KIF5A: variants seen among roughly 807,000 people sequenced by gnomAD.
KIF5A encodes the protein kinesin heavy chain isoform 5A.
KIF5A carries 35 observed loss-of-function variants against 141.3 expected under a neutral mutation model. That is an observed-to-expected ratio of 0.25 (90% CI 0.19 to 0.33). The LOEUF is 0.33. Ranked by LOEUF, KIF5A falls within the 10% of genes least tolerant of loss-of-function variation. The pLI is 1.00. For synonymous variants in KIF5A, 448 were observed against 500.2 expected (o/e 0.90, Z 1.39); for missense variants, 861 against 1,314.3 (o/e 0.66, Z 5.33).
intron 1 of KIF5A, among the ~76,000 whole-genome samples, chr12:57,557,915 C>A (rs1881793751): frequency 6.6e-6 from 1 of 152,120 alleles, no homozygotes; most frequent in South Asian, 2.1e-4. Context: ...TGACAAAATG[C>A]AAAGGATATG....
intron 1 of KIF5A, among the ~76,000 whole-genome samples, chr12:57,562,313 T>G (rs1881931992): frequency 6.6e-6 from 1 of 152,188 alleles, no homozygotes; most frequent in African/African-American, 2.4e-5. Context: ...CCTCCTGGGT[T>G]CAAGCGATTC....
intron 19 of KIF5A, 72 bp downstream of exon 19, chr12:57,576,450 C>T: frequency 8.6e-7 from 1 of 1,165,510 alleles, no homozygotes; most frequent in Non-Finnish European, 1.3e-6. Context: ...CACATGTCCC[C>T]TCTGGGTCTG....
chr12:57,560,083 G>C (rs1334167818), intron 1 of KIF5A, among the ~76,000 whole-genome samples: 1 of 152,092 alleles, frequency 6.6e-6, no homozygotes, highest in Non-Finnish European at 1.5e-5. Flanking sequence ...GTAGAGACAT[G>C]GTTTCACCAT....
At chr12:57,571,900 C>T (rs1468134058) in intron 13 of KIF5A, among the ~76,000 whole-genome samples, 161 bp from the exon 14 acceptor site, 2 of 152,164 alleles carry the variant, frequency 1.3e-5, no homozygotes, top group Non-Finnish European at 2.9e-5. Flanking sequence ...CTGGGGGCTT[C>T]TTCATTCTTC....
At chr12:57,575,911 T>G (rs1046840053) in intron 17 of KIF5A, among the ~76,000 whole-genome samples, 154 bp downstream of exon 17, 4 of 152,266 alleles carry the variant, frequency 2.6e-5, no homozygotes, top group African/African-American at 9.6e-5. Context: ...TAGCTCATTT[T>G]ACATTAACCA....
Position 57,572,084 on chromosome 12 carries a change from C to T in KIF5A, c.1386C>T (p.Asp462=), listed in dbSNP as rs1269741883. 21 of 1,613,662 alleles carry T rather than the reference C, an allele frequency of 1.3e-5. No homozygotes were observed. The highest frequency in any genetic ancestry group is 2.7e-5 in the African/African-American group (2 of 74,908). Residue 462 remains aspartate (D), a synonymous_variant, in exon 14 of 29, where the codon GAC becomes GAT. Coordinates refer to ENST00000455537, the MANE Select transcript of KIF5A (RefSeq NM_004984.4). The surrounding 1 kb of genome is among the most constrained non-coding windows in gnomAD (Gnocchi z 4.2). ...QEELLVSTRG[D]NEKVQRELSH... is the part of the protein sequence containing the mutation. Reference sequence around the variant, plus strand: ...AGCTGCTGGTGTCCACCCGAGGAGACAACGAGAAGGTCCAGCGGGAGCTGA... The same window carrying T: ...AGCTGCTGGTGTCCACCCGAGGAGATAACGAGAAGGTCCAGCGGGAGCTGA...
Position 57,572,198 on chromosome 12 carries a change from G to T in KIF5A, c.1500G>T (p.Gln500His). The change falls in exon 14 of 29, where the codon CAG (glutamine) becomes CAT (histidine). Residue 500 changes from glutamine (Q) to histidine (H), a missense_variant. Gln to His is a conservative substitution (Grantham distance 24). This residue lies in a region of KIF5A where 7 missense variants were observed against 26.5 expected (regional missense o/e 0.26). Coordinates refer to ENST00000455537, the MANE Select transcript of KIF5A (RefSeq NM_004984.4). This position sits in a 1 kb window ranked among gnomAD's most constrained non-coding sequence, Gnocchi z 4.2. Reference sequence around the variant, plus strand: ...AGGAGCTGGCTGTGAACTATGACCAGAAGTCCCAGGAGGTGGAGGAGAAGA... The same window carrying T: ...AGGAGCTGGCTGTGAACTATGACCATAAGTCCCAGGAGGTGGAGGAGAAGA... ...ALEELAVNYDQKSQEVEEKSQ... is the reference protein window; with the variant it reads ...ALEELAVNYDHKSQEVEEKSQ... The T allele has an allele frequency of 1.2e-6, 2 of 1,613,342 alleles. No homozygotes were observed. Among genetic ancestry groups the T allele is most frequent in the Non-Finnish European group, 8.5e-7 (1 of 1,179,666 alleles).
intron 1 of KIF5A, among the ~76,000 whole-genome samples, chr12:57,553,247 C>T (rs1055284575): frequency 1.3e-5 from 2 of 151,974 alleles, no homozygotes; most frequent in Non-Finnish European, 2.9e-5. Flanking sequence ...AGTGAAGAAA[C>T]ACATACATAC....
At chr12:57,576,898 T>C in intron 20 of KIF5A, 36 bp downstream of exon 20, 1 of 1,490,492 alleles carries the variant, frequency 6.7e-7, no homozygotes, top group Middle Eastern at 1.7e-4. Flanking sequence ...AACTACAGCC[T>C]TGTAGGCTCA....
At chr12:57,583,622 G>A (rs1251660352) in intron 28 of KIF5A, among the ~76,000 whole-genome samples, 1 of 152,168 alleles carries the variant, frequency 6.6e-6, no homozygotes, top group Non-Finnish European at 1.5e-5. Flanking sequence ...TGGATGGATA[G>A]GTGTTTTTGG....
intron 1 of KIF5A, among the ~76,000 whole-genome samples, chr12:57,551,887 TC>T (rs1881585866): frequency 1.3e-5 from 2 of 152,076 alleles, no homozygotes; most frequent in African/African-American, 2.4e-5. Context: ...TCTCTCTCTC[TC>T]TCTCTCTCTC....
rs1881532622 is a variant in KIF5A, at chr12:57,550,410, G to A, written c.129+10G>A. The stretch of plus-strand genomic sequence containing the variant: ...CAGCGTCGTTATTGGGGTGAGTGTC[G>A]CCCAGGAGGGAATTCGGGGAGGGGG... On this transcript the variant is annotated intron_variant, in intron 1 of 28. Coordinates refer to ENST00000455537, the MANE Select transcript of KIF5A (RefSeq NM_004984.4). This position sits in a 1 kb window ranked among gnomAD's most constrained non-coding sequence, Gnocchi z 4.6. 4 of 1,613,678 alleles carry A rather than the reference G, an allele frequency of 2.5e-6. No individual in the cohort carries two copies. The highest frequency in any genetic ancestry group is 2.2e-5 in the East Asian group (1 of 44,868).
intron 26 of KIF5A, 97 bp downstream of exon 26, chr12:57,582,049 G>A: frequency 1.0e-6 from 1 of 989,836 alleles, no homozygotes; most frequent in Admixed American, 1.9e-5. Flanking sequence ...AACACTGACT[G>A]AACCTTTCTG....
At chr12:57,559,073 T>G (rs1218949542) in intron 1 of KIF5A, among the ~76,000 whole-genome samples, 17 of 152,210 alleles carry the variant, frequency 1.1e-4, no homozygotes, top group Admixed American at 7.2e-4. Context: ...AGCTATCTCA[T>G]TCAACTGTAT....
intron 1 of KIF5A, among the ~76,000 whole-genome samples, chr12:57,551,872 G>GTCTCTCTCTC: frequency 6.9e-6 from 1 of 145,886 alleles, no homozygotes; most frequent in Non-Finnish European, 1.5e-5. Flanking sequence ...GATGCTTTTG[G>GTCTCTCTCTC]TCTCTCTCTC....
chr12:57,563,959 C>A (rs1881988398), intron 3 of KIF5A, 149 bp from the exon 4 acceptor site: 3 of 722,434 alleles, frequency 4.2e-6, no homozygotes, highest in Non-Finnish European at 5.0e-6. Context: ...TATCTCCTTG[C>A]TCCTCTAAAA....
At chr12:57,578,892 C>T (rs1487445678) in intron 23 of KIF5A, among the ~76,000 whole-genome samples, 1 of 152,034 alleles carries the variant, frequency 6.6e-6, no homozygotes, top group Non-Finnish European at 1.5e-5. Context: ...GGCGAAACCC[C>T]ATCTCTACAA....
intron 21 of KIF5A, 103 bp downstream of exon 21, chr12:57,577,876 C>T (rs1048949714): frequency 4.2e-5 from 53 of 1,254,462 alleles, no homozygotes; most frequent in Middle Eastern, 3.8e-4. Context: ...CATTCTGTAG[C>T]GTAATCAAGA....
intron 28 of KIF5A, among the ~76,000 whole-genome samples, chr12:57,583,752 G>T (rs1026277460): frequency 3.3e-5 from 5 of 152,126 alleles, no homozygotes; most frequent in Admixed American, 3.3e-4. Context: ...ATCAGTCAGC[G>T]CTCCCCTCCC....
Sources: gnomAD v4.1 joint callset for allele counts (sites outside exome capture counted in the v4.1 genomes callset) on GRCh38, gnomAD v4.1.1 for gene constraint, gnomAD v4.1.1 regional missense constraint, Gnocchi (gnomAD v3.1) non-coding constraint, MANE v1.5 for transcripts, NCBI Gene and HGNC (gene_info 2026-07-23, HGNC 2026-07-21) for gene names.